The following CFI variants were observed in gnomAD, a reference collection of about 807,000 sequenced individuals.
CFI encodes the protein C3B/C4B inactivator.
A neutral mutation model predicts 78.8 loss-of-function variants in CFI; 66 were observed. The ratio of observed to expected loss-of-function variants is 0.84; its 90% CI spans 0.69 to 1.03. The LOEUF (loss-of-function observed/expected upper bound fraction) is 1.03. Ranked by LOEUF, CFI falls within the 50% of genes least tolerant of loss-of-function variation. The probability of loss-of-function intolerance (pLI) is 0.00; values close to 1 mark genes in which losing one functional copy is unlikely to be tolerated. For missense variants in CFI, 706 were observed against 704.5 expected (o/e 1.00, Z -0.02); for synonymous variants, 250 against 232.6 (o/e 1.07, Z -0.68).
intron 1 of CFI, among the ~76,000 whole-genome samples, chr4:109,778,412 C>A (rs1729560172): frequency 6.6e-6 from 1 of 151,986 alleles, no homozygotes; most frequent in Non-Finnish European, 1.5e-5. Context: ...ACACATACAC[C>A]CTCCCAAGAC....
intron 1 of CFI, among the ~76,000 whole-genome samples, chr4:109,792,242 T>C (rs771297605): frequency 7.9e-5 from 12 of 152,144 alleles, no homozygotes; most frequent in Non-Finnish European, 1.5e-4. Flanking sequence ...TTCTATTCAT[T>C]ATAGAAAGTG....
At chr4:109,738,284 T>C (rs570542499), downstream of CFI, among the ~76,000 whole-genome samples, 1 of 152,016 alleles carries the variant, frequency 6.6e-6, no homozygotes, top group African/African-American at 2.4e-5. Context: ...CCAGCTTTTT[T>C]TGTGTGTGAT....
chr4:109,770,510 C>T (rs563951715), intron 1 of CFI, among the ~76,000 whole-genome samples: 54 of 150,426 alleles, frequency 3.6e-4, no homozygotes, highest in Non-Finnish European at 5.9e-4. Context: ...GAGCGGAGAC[C>T]GCACCACTGC....
At chr4:109,783,219 A>G (rs1201856454) in intron 1 of CFI, among the ~76,000 whole-genome samples, 1 of 152,214 alleles carries the variant, frequency 6.6e-6, no homozygotes, top group Non-Finnish European at 1.5e-5. Flanking sequence ...AGCAAAAGGA[A>G]CAGTCAGCAG....
rs1338814735 is a variant in CFI, at chr4:109,750,180, A to G, written c.941-578T>C. Among the ~76,000 whole-genome samples, 7 of 151,926 alleles carry G rather than the reference A, an allele frequency of 4.6e-5. No individual in the cohort carries two copies. The South Asian group carries it at 1.2e-3, about 27-fold the overall frequency. On this transcript the variant is annotated intron_variant, in intron 8 of 12. Transcript: ENST00000394634. ...CCCAGCTAATTTTTGTTTTTTTAGT[A>G]GAGATGGGGTTTCACCATGTTGGCC... is the stretch of plus-strand genomic sequence containing the variant.
At chr4:109,776,552 G>A (rs911431672) in intron 1 of CFI, among the ~76,000 whole-genome samples, 1 of 152,214 alleles carries the variant, frequency 6.6e-6, no homozygotes, top group Non-Finnish European at 1.5e-5. Flanking sequence ...CACTCTTCAG[G>A]ATATTACCCA....
chr4:109,738,118 T>C (rs1032217847), downstream of CFI, among the ~76,000 whole-genome samples: 12 of 150,758 alleles, frequency 8.0e-5, no homozygotes, highest in East Asian at 3.9e-4. Context: ...TTTTCTTTTT[T>C]TTTTTTTTTT....
chr4:109,740,660 A>G (rs568527816), downstream of CFI: 253 of 551,968 alleles, frequency 4.6e-4, no homozygotes, highest in Non-Finnish European at 7.1e-4. Flanking sequence ...CCGCATTGAG[A>G]TAATTTAATA....
At chr4:109,749,352 T>C in intron 9 of CFI, 31 bp from the exon 10 acceptor site, 1 of 1,583,060 alleles carries the variant, frequency 6.3e-7, no homozygotes, top group South Asian at 1.1e-5. Context: ...GTCACTGCCA[T>C]TCTAACAGAT....
chr4:109,791,575 T>G (rs184043624), intron 1 of CFI, among the ~76,000 whole-genome samples: 2 of 152,162 alleles, frequency 1.3e-5, no homozygotes, highest in Admixed American at 6.5e-5. Flanking sequence ...TAGTTTTGGG[T>G]TTTACATTTA....
At chr4:109,793,836 C>T (rs932116985) in intron 1 of CFI, 4 of 152,230 alleles carry the variant, frequency 2.6e-5, no homozygotes, top group African/African-American at 9.6e-5. Context: ...ACTTGTAGTG[C>T]ATTTCCTGTA....
At chr4:109,797,420 T>C (rs1732192077) in intron 1 of CFI, among the ~76,000 whole-genome samples, 1 of 152,146 alleles carries the variant, frequency 6.6e-6, no homozygotes, top group Non-Finnish European at 1.5e-5. Flanking sequence ...TACACACAAA[T>C]CAACTCAAAA....
At chr4:109,771,957 G>C (rs1237669531) in intron 1 of CFI, among the ~76,000 whole-genome samples, 1 of 152,076 alleles carries the variant, frequency 6.6e-6, no homozygotes, top group Non-Finnish European at 1.5e-5. Context: ...GGTTGAGGAG[G>C]GGATAGGAGA....
At chr4:109,786,054 A>C (rs902365754) in intron 1 of CFI, among the ~76,000 whole-genome samples, 3 of 152,008 alleles carry the variant, frequency 2.0e-5, no homozygotes, top group African/African-American at 4.8e-5. Context: ...AAAAAAAACA[A>C]AAAAAACCAA....
intron 1 of CFI, among the ~76,000 whole-genome samples, chr4:109,795,724 A>T (rs1309834782): frequency 1.3e-5 from 2 of 152,158 alleles, no homozygotes; most frequent in Admixed American, 6.5e-5. Context: ...GGAACTGAAA[A>T]ATTCAGTAGA....
chr4:109,778,217 A>G (rs1401573635), intron 1 of CFI, among the ~76,000 whole-genome samples: 1 of 152,240 alleles, frequency 6.6e-6, no homozygotes, highest in Non-Finnish European at 1.5e-5. Flanking sequence ...AAAGATCAAC[A>G]AAATTGCTAG....
chr4:109,739,310 T>C (rs569710141), downstream of CFI, among the ~76,000 whole-genome samples: 35 of 152,142 alleles, frequency 2.3e-4, 1 homozygote, highest in South Asian at 7.3e-3. Context: ...TAATGTTTAT[T>C]CACTGAGCAG....
In CFI at chr4:109,764,575, C is replaced by T. The variant is rs372926158; in HGVS notation, c.444G>A (p.Arg148=). The change falls in exon 3 of 13, where the codon AGG becomes AGA. Residue 148 remains arginine (R), a synonymous_variant. Transcript: ENST00000394634. ...GGTCAAGGCAGGCCACGTTGGCTTC[C>T]CTCATGCTCCAGCTGCTTTTGCATA... ...MFICKSSWSM[R]EANVACLDLG... 2 of 1,614,130 alleles carry T rather than the reference C, an allele frequency of 1.2e-6. No homozygotes were observed. The highest frequency in any genetic ancestry group is 1.7e-6 in the Non-Finnish European group (2 of 1,180,012).
chr4:109,751,598 T>A (rs1480896732), intron 8 of CFI, among the ~76,000 whole-genome samples: 6 of 151,884 alleles, frequency 4.0e-5, no homozygotes, highest in Non-Finnish European at 1.5e-5. Context: ...CCTGCTACCA[T>A]GTCTGGCTAA....
Sources: allele counts gnomAD v4.1 joint callset (sites outside exome capture counted in the v4.1 genomes callset), GRCh38; gene constraint gnomAD v4.1.1; transcripts MANE v1.5; gene names NCBI Gene and HGNC (gene_info 2026-07-23, HGNC 2026-07-21).